The following MOCOS variants were observed in gnomAD, a reference collection of about 807,000 sequenced individuals.
MOCOS encodes molybdenum cofactor sulfurase, also known as human molybdenum cofactor sulfurase.
A neutral mutation model predicts 83.6 loss-of-function variants in MOCOS; 86 were observed. The observed-to-expected ratio is 1.03, with a 90% CI of 0.86 to 1.23. The LOEUF (loss-of-function observed/expected upper bound fraction) is 1.23. MOCOS is among the 50% of genes most tolerant of loss of function. The pLI is 0.00. For synonymous variants in MOCOS, 445 were observed against 434.7 expected (o/e 1.02, Z -0.29); for missense variants, 1,120 against 1,126.9 (o/e 0.99, Z 0.09).
rs2091644148 is a variant in MOCOS at position 36,257,002 on chromosome 18, G to A, written c.2199G>A (p.Leu733=). 1 of 1,614,086 alleles carries A rather than the reference G, an allele frequency of 6.2e-7. No homozygotes were observed. The highest frequency in any genetic ancestry group is 8.5e-7 in the Non-Finnish European group (1 of 1,179,982). ...CTGGTACAATGGCCACCCTTTCTCT[G>A]GTGAATGAGGCACAGTATCTGCTGA... The part of the protein sequence containing the change: ...QLPGTMATLS[L]VNEAQYLLIN... Residue 733 remains leucine (L), a synonymous_variant, in exon 12 of 15, where the codon CTG becomes CTA. Transcript: ENST00000261326.
chr18:36,261,912 A>C (rs1428200012), intron 13 of MOCOS, among the ~76,000 whole-genome samples: 2 of 152,206 alleles, frequency 1.3e-5, no homozygotes, highest in Non-Finnish European at 2.9e-5. Flanking sequence ...GAGAGGAAGA[A>C]AGGAAGAAAA....
At chr18:36,257,742 C>T (rs1486506068) in intron 12 of MOCOS, among the ~76,000 whole-genome samples, 2 of 152,154 alleles carry the variant, frequency 1.3e-5, no homozygotes, top group Non-Finnish European at 2.9e-5. Context: ...GGGACGGGCT[C>T]CTCATTCCTG....
Position 36,238,376 on chromosome 18 carries a change from T to C in MOCOS, c.1961-10546T>C, listed in dbSNP as rs200895580. Among the ~76,000 whole-genome samples the C allele has an allele frequency of 4.3e-4, 65 of 150,982 alleles. 1 individual carries two copies. The highest frequency in any genetic ancestry group is 1.4e-3 in the Admixed American group (21 of 15,130). On this transcript the variant is annotated intron_variant, in intron 9 of 14. Coordinates refer to ENST00000261326, the MANE Select transcript of MOCOS (RefSeq NM_017947.4). ...TTCAAAGAACATCTTTATTTCTGCCTTCATTTCGTTATGTACCCAGTAGTC... is the reference window on the plus strand; with the variant it reads ...TTCAAAGAACATCTTTATTTCTGCCCTCATTTCGTTATGTACCCAGTAGTC...
intron 6 of MOCOS, among the ~76,000 whole-genome samples, chr18:36,212,445 T>C (rs2091458829): frequency 6.6e-6 from 1 of 152,066 alleles, no homozygotes; most frequent in Non-Finnish European, 1.5e-5. Flanking sequence ...GACCTGGAGA[T>C]GGAGTTGGCC....
At position 36,220,200 on chromosome 18, in the gene MOCOS, T is replaced by C; in HGVS notation, c.1943T>C (p.Met648Thr). The C allele has an allele frequency of 1.2e-6, 2 of 1,614,166 alleles. No homozygotes were observed. Among genetic ancestry groups the C allele is most frequent in the Admixed American group, 1.7e-5 (1 of 60,016 alleles). The change falls in exon 9 of 15, where the codon ATG (methionine) becomes ACG (threonine). Residue 648 changes from methionine to threonine, a missense_variant. Coordinates refer to ENST00000261326, the MANE Select transcript of MOCOS (RefSeq NM_017947.4). ...TTCATCGACTTGCGGCAAAGGATCATGGTCATCAAAGCCAAAGGTGGGAAA... is the reference window on the plus strand; with the variant it reads ...TTCATCGACTTGCGGCAAAGGATCACGGTCATCAAAGCCAAAGGTGGGAAA... ...QPFIDLRQRI[M>T]VIKAKGMEPI...
chr18:36,193,317 C>A (rs1217210181), intron 1 of MOCOS, among the ~76,000 whole-genome samples: 5 of 38,310 alleles, frequency 1.3e-4, no homozygotes, highest in Non-Finnish European at 1.8e-4. Flanking sequence ...GACTCCGTCT[C>A]AAAAAAAAAA....
intron 13 of MOCOS, among the ~76,000 whole-genome samples, chr18:36,263,857 T>C (rs2091672349): frequency 1.3e-5 from 2 of 152,224 alleles, no homozygotes; most frequent in Admixed American, 1.3e-4. Flanking sequence ...AAAATGAAGA[T>C]TTTTTAAGAA....
intron 1 of MOCOS, among the ~76,000 whole-genome samples, chr18:36,193,593 G>A (rs1174414467): frequency 7.2e-5 from 11 of 151,942 alleles, no homozygotes; most frequent in African/African-American, 2.7e-4. Context: ...TAACTCAATG[G>A]ATCAAATACC....
chr18:36,259,448 C>CAAAAA (rs397858504), intron 12 of MOCOS, among the ~76,000 whole-genome samples: 9,510 of 91,830 alleles, frequency 0.1, 407 homozygotes, highest in East Asian at 0.21. Context: ...GACCTTGTCT[C>CAAAAA]AAAAAAAAAA....
chr18:36,233,256 T>A (rs1472114408), intron 9 of MOCOS, among the ~76,000 whole-genome samples: 1 of 152,206 alleles, frequency 6.6e-6, no homozygotes, highest in East Asian at 1.9e-4. Context: ...TTTCCACTTA[T>A]AAGAGAGAAC....
At chr18:36,223,443 G>A (rs752176905) in intron 9 of MOCOS, among the ~76,000 whole-genome samples, 2 of 152,092 alleles carry the variant, frequency 1.3e-5, no homozygotes, top group Non-Finnish European at 2.9e-5. Context: ...TGTTTCATTA[G>A]TCTGTGTATC....
chr18:36,214,956 G>T (rs2091469944), intron 7 of MOCOS, among the ~76,000 whole-genome samples: 1 of 152,222 alleles, frequency 6.6e-6, no homozygotes, highest in South Asian at 2.1e-4. Context: ...AGATTCTCCT[G>T]CCTTTCTTCC....
intron 2 of MOCOS, 55 bp from the exon 3 acceptor site, chr18:36,198,635 C>T (rs779423448): frequency 4.3e-5 from 68 of 1,569,768 alleles, no homozygotes; most frequent in Non-Finnish European, 5.8e-5. Context: ...AGAAGGAACA[C>T]AAAAGAAGCG....
chr18:36,268,167 C>T (rs2091687673), intron 14 of MOCOS, among the ~76,000 whole-genome samples: 1 of 152,160 alleles, frequency 6.6e-6, no homozygotes, highest in African/African-American at 2.4e-5. Flanking sequence ...CACTGTCTTC[C>T]CCAAAAGGCT....
chr18:36,262,073 T>G (rs1402808901), intron 13 of MOCOS, among the ~76,000 whole-genome samples: 1 of 152,152 alleles, frequency 6.6e-6, no homozygotes. Flanking sequence ...GGCTTTGCTT[T>G]CTTTAGGTCA....
chr18:36,197,808 T>C (rs1168513339), intron 2 of MOCOS, among the ~76,000 whole-genome samples: 1 of 151,422 alleles, frequency 6.6e-6, no homozygotes, highest in Non-Finnish European at 1.5e-5. Context: ...CCAATGATGA[T>C]TTTTTAGTGA....
chr18:36,255,405 C>T (rs1046525476), intron 11 of MOCOS, among the ~76,000 whole-genome samples: 2 of 152,162 alleles, frequency 1.3e-5, no homozygotes, highest in African/African-American at 4.8e-5. Flanking sequence ...AATTGGAATC[C>T]ATCTGACCTA....
intron 4 of MOCOS, among the ~76,000 whole-genome samples, chr18:36,201,458 T>G (rs2091414374): frequency 6.6e-6 from 1 of 151,978 alleles, no homozygotes; most frequent in South Asian, 2.1e-4. Flanking sequence ...GGTCAGGAGT[T>G]CGAGACCAGC....
chr18:36,210,391 C>A (rs2091450180), intron 6 of MOCOS, among the ~76,000 whole-genome samples: 1 of 152,154 alleles, frequency 6.6e-6, no homozygotes, highest in African/African-American at 2.4e-5. Context: ...GCCCCCACTG[C>A]CCTCAGCTGT....
Sources: allele counts gnomAD v4.1 joint callset (sites outside exome capture counted in the v4.1 genomes callset), GRCh38; gene constraint gnomAD v4.1.1; transcripts MANE v1.5; gene names NCBI Gene and HGNC (gene_info 2026-07-23, HGNC 2026-07-21).